DOK7: variants seen among roughly 807,000 people sequenced by gnomAD.
DOK7 encodes the protein docking protein 7, also known as protein Dok-7.
In DOK7, 32 loss-of-function variants were observed where a neutral mutation model predicts 30.7. The observed-to-expected ratio is 1.04, with a 90% CI of 0.79 to 1.40. The LOEUF (loss-of-function observed/expected upper bound fraction) is 1.40. DOK7 is among the 40% of genes most tolerant of loss of function. The pLI, the probability that DOK7 is intolerant of heterozygous loss-of-function variation, is 0.00. For missense variants in DOK7, 1,007 were observed against 699.2 expected, an observed-to-expected ratio of 1.44 and a Z score of -4.97; for synonymous variants, 447 against 324.1, an observed-to-expected ratio of 1.38 and a Z score of -4.07.
chr4:3,494,013 G>A lies in DOK7; in HGVS notation c.*512G>A, dbSNP rs909087158. On this transcript the variant is annotated 3_prime_UTR_variant, in exon 7 of 7. Coordinates refer to ENST00000340083, the MANE Select transcript of DOK7 (RefSeq NM_173660.5). ...CCCAGCCCCCCTGGGCTCCGTGTGC[G>A]CTGGGCCTCATCCCCATCTATGGGA... 5.9e-5 allele frequency: 59 copies of A among 992,436 alleles called. No individual in the cohort carries two copies. The highest frequency in any genetic ancestry group is 1.0e-3 in the Middle Eastern group (2 of 1,960). 61.5% of individuals were successfully genotyped at this position (992,436 alleles called of 1,614,324 possible). A position where few individuals can be genotyped will look rare whatever the true frequency, so the allele number is the denominator to read the frequency against.
At chr4:3,470,884 G>A (rs1726717270) in intron 2 of DOK7, among the ~76,000 whole-genome samples, 1 of 152,212 alleles carries the variant, frequency 6.6e-6, no homozygotes, top group Admixed American at 6.5e-5. Flanking sequence ...GCTGGTTGGG[G>A]GCAATGGAAG....
intron 2 of DOK7, among the ~76,000 whole-genome samples, chr4:3,468,114 G>A (rs1726421892): frequency 6.6e-6 from 1 of 152,212 alleles, no homozygotes; most frequent in Non-Finnish European, 1.5e-5. Flanking sequence ...GTCCACGTGT[G>A]TGTGCATGTG....
Position 3,489,659 on chromosome 4 carries a change from G to A in DOK7, c.653-18G>A, listed in dbSNP as rs762076600. 4 of 1,563,224 alleles carry A rather than the reference G, an allele frequency of 2.6e-6. No individual in the cohort carries two copies. The Admixed American group carries it at 5.7e-5, about 22-fold the overall frequency. The stretch of plus-strand genomic sequence containing the variant: ...CGGTGGTGGCCACCTCCTCCACCGA[G>A]TCTTCTCTCTGCCACAGACCCAAGT... On this transcript the variant is annotated intron_variant, in intron 5 of 6. Coordinates refer to ENST00000340083, the MANE Select transcript of DOK7 (RefSeq NM_173660.5).
chr4:3,490,407 AC>A (rs370375973), intron 6 of DOK7, among the ~76,000 whole-genome samples: 389 of 7,168 alleles, frequency 0.054, 13 homozygotes, highest in African/African-American at 0.17. Context: ...TCCTTCTTTC[AC>A]CCCCCCCACC....
intron 4 of DOK7, among the ~76,000 whole-genome samples, chr4:3,480,316 T>C (rs1243909034): frequency 2.0e-5 from 3 of 152,118 alleles, no homozygotes; most frequent in Admixed American, 2.0e-4. Flanking sequence ...TTAAAAATGA[T>C]TAAGAATGTG....
intron 3 of DOK7, among the ~76,000 whole-genome samples, chr4:3,473,856 G>T (rs1015165093): frequency 1.3e-5 from 2 of 152,186 alleles, no homozygotes; most frequent in African/African-American, 4.8e-5. Flanking sequence ...GAGCTCCCTA[G>T]CCTGACCGTT....
chr4:3,468,950 TGA>T (rs36203164), intron 2 of DOK7, among the ~76,000 whole-genome samples: 27,197 of 146,866 alleles, frequency 0.19, 2,919 homozygotes, highest in African/African-American at 0.31. Flanking sequence ...TGTGCACGTG[TGA>T]GTGTGGTGCC....
At chr4:3,473,056 C>G (rs1046114130) in intron 2 of DOK7, among the ~76,000 whole-genome samples, 1 of 152,196 alleles carries the variant, frequency 6.6e-6, no homozygotes, top group Non-Finnish European at 1.5e-5. Flanking sequence ...CCCCCAAGCC[C>G]GTGACCACAG....
rs142201048 is a variant in DOK7 at position 3,474,228 on chromosome 4, G to A, written c.331+592G>A. ...GGTGATGGGGCCCTGGGCACTCAGC[G>A]GCAGAGCAAGCATAATCCTGCATCT... On this transcript the variant is annotated intron_variant, in intron 3 of 6. Transcript: ENST00000340083. Among the ~76,000 whole-genome samples, 23 of 152,268 alleles carry A rather than the reference G, an allele frequency of 1.5e-4. 1 individual carries two copies. In the South Asian group the frequency reaches 4.1e-3, roughly 27 times the overall value.
At chr4:3,487,265 A>T (rs1881801) in intron 5 of DOK7, among the ~76,000 whole-genome samples, 27 of 152,164 alleles carry the variant, frequency 1.8e-4, no homozygotes, top group African/African-American at 6.3e-4. Context: ...GCAGCACCCC[A>T]CCAGAGAAGC....
In DOK7 at chr4:3,493,636, G is replaced by A; in HGVS notation, c.*135G>A. On this transcript the variant is annotated 3_prime_UTR_variant, in exon 7 of 7. Transcript: ENST00000340083. Reference sequence around the variant, plus strand: ...GACCGGGGGTCTCCCGGAGAGGGGAGCTGGAGGGCGCGCCCTGTGGCTGCC... The same window carrying A: ...GACCGGGGGTCTCCCGGAGAGGGGAACTGGAGGGCGCGCCCTGTGGCTGCC... 3 of 1,478,330 alleles carry A rather than the reference G, an allele frequency of 2.0e-6. No homozygotes were observed. Among genetic ancestry groups the A allele is most frequent in the South Asian group, 1.4e-5 (1 of 72,144 alleles). 91.6% of individuals were successfully genotyped at this position (1,478,330 alleles called of 1,614,324 possible).
chr4:3,494,074 G>T lies in DOK7; in HGVS notation c.*573G>T, dbSNP rs903532280. ...GCTCAGGAGGCTGTGTGGCTTGCGGGGTCTCTGGGTTCTGGGCCCCACTGT... is the reference window on the plus strand; with the variant it reads ...GCTCAGGAGGCTGTGTGGCTTGCGGTGTCTCTGGGTTCTGGGCCCCACTGT... On this transcript the variant is annotated 3_prime_UTR_variant, in exon 7 of 7. Coordinates refer to ENST00000340083, the MANE Select transcript of DOK7 (RefSeq NM_173660.5). 2 of 986,728 alleles carry T rather than the reference G, an allele frequency of 2.0e-6. No individual in the cohort carries two copies. The highest frequency in any genetic ancestry group is 3.5e-5 in the African/African-American group (2 of 57,252). The allele number at this position is 986,728 out of a possible 1,614,324, so 61.1% of individuals were successfully genotyped here.
chr4:3,476,956 G>T (rs1412239526), intron 4 of DOK7, among the ~76,000 whole-genome samples: 1 of 152,248 alleles, frequency 6.6e-6, no homozygotes, highest in Non-Finnish European at 1.5e-5. Flanking sequence ...TGGTGGACAT[G>T]CCAGCCACCC....
In DOK7 at chr4:3,493,021, C is replaced by A; in HGVS notation, c.1035C>A (p.His345Gln). 1 of 1,568,706 alleles carries A rather than the reference C, an allele frequency of 6.4e-7. No individual in the cohort carries two copies. The highest frequency in any genetic ancestry group is 1.2e-5 in the South Asian group (1 of 86,856). The change falls in exon 7 of 7, where the codon CAC becomes CAA. Residue 345 changes from histidine (H) to glutamine (Q), a missense_variant. Physicochemically the swap from His to Gln is conservative, Grantham distance 24. Transcript: ENST00000340083. The stretch of plus-strand genomic sequence containing the variant: ...ACAGCGGCATCGCCACTGGCAGCCA[C>A]TCCTCTTACTCCAGCAGCCTCTCGT... ...SSDSGIATGS[H>Q]SSYSSSLSSY...
At chr4:3,480,886 C>T (rs1029936966) in intron 4 of DOK7, among the ~76,000 whole-genome samples, 6 of 152,118 alleles carry the variant, frequency 3.9e-5, no homozygotes, top group Middle Eastern at 3.4e-3. Context: ...TCAGAGGGTG[C>T]GAGGGGAGCC....
intron 6 of DOK7, among the ~76,000 whole-genome samples, chr4:3,491,481 A>ATTCT (rs1258504435): frequency 1.4e-5 from 2 of 147,602 alleles, no homozygotes; most frequent in South Asian, 4.3e-4. Flanking sequence ...TCACTCATTC[A>ATTCT]TTCTTTCCTT....
intron 4 of DOK7, among the ~76,000 whole-genome samples, chr4:3,481,016 AG>A (rs967108223): frequency 1.3e-5 from 2 of 151,622 alleles, no homozygotes; most frequent in Non-Finnish European, 2.9e-5. Flanking sequence ...TAAGGGGTGG[AG>A]GGGGGTGAAA....
At position 3,491,191 on chromosome 4, in the gene DOK7, GCTCATTCCTTCCCCC is replaced by G. The variant is rs1238617432; in HGVS notation, c.772+1398_772+1412del. ...CCTGCTCATTCATTCCTTCCCCCCT[GCTCATTCCTTCCCCC>G]CTGCTCATTCCTTCCTTCTCCCGCT... On this transcript the variant is annotated intron_variant, in intron 6 of 6. Transcript: ENST00000340083. Among the ~76,000 whole-genome samples, 7 of 7,212 alleles carry G rather than the reference GCTCATTCCTTCCCCC, an allele frequency of 9.7e-4. No individual in the cohort carries two copies. The Admixed American group carries it at 0.022, about 22-fold the overall frequency. The allele number at this position is 7,212 out of a possible 152,430, so 4.7% of individuals were successfully genotyped here.
chr4:3,486,244 G>A (rs1225689049), intron 5 of DOK7, among the ~76,000 whole-genome samples: 2 of 152,236 alleles, frequency 1.3e-5, no homozygotes, highest in African/African-American at 4.8e-5. Context: ...CAGGGATGTT[G>A]CTGGACCCCA....
Sources: allele counts gnomAD v4.1 joint callset (sites outside exome capture counted in the v4.1 genomes callset), GRCh38; gene constraint gnomAD v4.1.1; transcripts MANE v1.5; gene names NCBI Gene and HGNC (gene_info 2026-07-23, HGNC 2026-07-21).